Variants in PLS1 observed in about 807,000 individuals in gnomAD.
The protein encoded by PLS1 is plastin-1.
In PLS1, 32 loss-of-function variants were observed where a neutral mutation model predicts 73.7. The observed-to-expected ratio is 0.43, with a 90% CI of 0.33 to 0.58. PLS1 has a LOEUF of 0.58. Ranked by LOEUF, PLS1 falls within the 20% of genes least tolerant of loss-of-function variation. The probability of loss-of-function intolerance (pLI) is 0.04; values close to 1 mark genes in which losing one functional copy is unlikely to be tolerated. For missense variants in PLS1, 633 were observed against 740.5 expected, an observed-to-expected ratio of 0.85 and a Z score of 1.68; for synonymous variants, 217 against 261.3, an observed-to-expected ratio of 0.83 and a Z score of 1.63.
intron 14 of PLS1, among the ~76,000 whole-genome samples, 158 bp downstream of exon 14, chr3:142,704,744 G>T (rs2038420585): frequency 7.0e-6 from 1 of 142,052 alleles, no homozygotes; most frequent in African/African-American, 2.6e-5. Flanking sequence ...TGCCTCCCAG[G>T]TTCACACCAT....
intron 12 of PLS1, chr3:142,698,455 A>G (rs2038258588): frequency 6.6e-6 from 1 of 152,624 alleles, no homozygotes; most frequent in African/African-American, 2.4e-5. Flanking sequence ...AAAAAAAAGT[A>G]TAAAGCATGG....
At chr3:142,691,678 T>A (rs1229978944) in intron 10 of PLS1, among the ~76,000 whole-genome samples, 1 of 152,208 alleles carries the variant, frequency 6.6e-6, no homozygotes, top group Non-Finnish European at 1.5e-5. Context: ...TATGTCCTCA[T>A]ACATCTGCCA....
At chr3:142,656,558 T>C (rs2037241704) in intron 1 of PLS1, 1 of 152,226 alleles carries the variant, frequency 6.6e-6, no homozygotes, top group Admixed American at 6.5e-5. Context: ...GAATACTTAC[T>C]TTTTCCAAAA....
chr3:142,683,927 T>C (rs2037907338), intron 6 of PLS1, 79 bp from the exon 7 acceptor site: 6 of 1,009,600 alleles, frequency 5.9e-6, no homozygotes, highest in Non-Finnish European at 8.6e-6. Context: ...TGGCAGTCCA[T>C]TGTTTCTTAT....
intron 10 of PLS1, among the ~76,000 whole-genome samples, chr3:142,691,432 A>C (rs1180479048): frequency 3.9e-5 from 6 of 152,138 alleles, no homozygotes; most frequent in Non-Finnish European, 1.5e-5. Flanking sequence ...CTGTCAGTAG[A>C]AGGCATTGTT....
intron 1 of PLS1, among the ~76,000 whole-genome samples, chr3:142,625,247 A>AT (rs57582969): frequency 0.25 from 38,547 of 151,850 alleles, 6,975 homozygotes; most frequent in African/African-American, 0.52. Flanking sequence ...CTGACTGCCT[A>AT]TTTTTTCTTC....
At chr3:142,702,797 G>A (rs970308079) in intron 12 of PLS1, among the ~76,000 whole-genome samples, 1 of 152,136 alleles carries the variant, frequency 6.6e-6, no homozygotes, top group Non-Finnish European at 1.5e-5. Flanking sequence ...GTTGGGGAGG[G>A]TAAACAATTT....
rs541619603 is a variant in PLS1 at position 142,678,079 on chromosome 3, T to C, written c.545T>C (p.Ile182Thr). Residue 182 changes from isoleucine to threonine, a missense_variant, in exon 6 of 16, where the codon ATC (isoleucine) becomes ACC (threonine). By Grantham distance (89) the Ile-to-Thr change is moderately conservative. Coordinates refer to ENST00000457734, the MANE Select transcript of PLS1 (RefSeq NM_001145319.2). ...SEPDTIDERA[I>T]NKKKLTPFTI... ...CCAGATACAATTGATGAAAGAGCCA[T>C]CAATAAGAAAAAGCTCACGCCATTC... is the stretch of plus-strand genomic sequence containing the variant. 1.3e-6 allele frequency: 2 copies of C among 1,558,274 alleles called. No individual in the cohort carries two copies. Among genetic ancestry groups the C allele is most frequent in the South Asian group, 1.2e-5 (1 of 83,782 alleles).
At chr3:142,601,207 G>A (rs1319689246) in intron 1 of PLS1, among the ~76,000 whole-genome samples, 2 of 151,138 alleles carry the variant, frequency 1.3e-5, no homozygotes, top group African/African-American at 4.9e-5. Flanking sequence ...TTACAAGCAT[G>A]AGCCACCGCG....
intron 6 of PLS1, among the ~76,000 whole-genome samples, chr3:142,680,875 C>T (rs2037838200): frequency 6.6e-6 from 1 of 152,192 alleles, no homozygotes; most frequent in Admixed American, 6.5e-5. Context: ...TCGTCTAGCG[C>T]CAGAGCTCAT....
At chr3:142,649,268 C>G (rs2037026532) in intron 1 of PLS1, among the ~76,000 whole-genome samples, 1 of 146,008 alleles carries the variant, frequency 6.8e-6, no homozygotes, top group Non-Finnish European at 1.5e-5. Flanking sequence ...CCCTGGAGTT[C>G]CAGGCTGCAG....
chr3:142,684,243 T>C lies in PLS1; in HGVS notation c.746-10T>C. Reference sequence around the variant, plus strand: ...TGGGAAGAATTTACATTTCGCTGTTTTGCCCTCAGCTCTGATTGCATTGTT... The same window carrying C: ...TGGGAAGAATTTACATTTCGCTGTTCTGCCCTCAGCTCTGATTGCATTGTT... On this transcript the variant is annotated splice_polypyrimidine_tract_variant and intron_variant, in intron 7 of 15. Transcript: ENST00000457734. 6.2e-7 allele frequency: 1 copy of C among 1,614,138 alleles called. No homozygotes were observed. The highest frequency in any genetic ancestry group is 8.5e-7 in the Non-Finnish European group (1 of 1,179,980).
At chr3:142,685,034 C>G (rs1425263227) in intron 8 of PLS1, among the ~76,000 whole-genome samples, 2 of 151,956 alleles carry the variant, frequency 1.3e-5, no homozygotes, top group African/African-American at 4.8e-5. Context: ...TCCTGCCCCC[C>G]AAGAGTAATC....
chr3:142,670,964 T>C, intron 3 of PLS1, 29 bp from the exon 4 acceptor site: 2 of 1,496,072 alleles, frequency 1.3e-6, no homozygotes, highest in Non-Finnish European at 1.8e-6. Flanking sequence ...GATTATCTGA[T>C]TCTCAATTTT....
intron 6 of PLS1, 122 bp downstream of exon 6, chr3:142,678,235 A>C (rs2037764695): frequency 2.5e-6 from 1 of 395,826 alleles, no homozygotes; most frequent in Non-Finnish European, 4.5e-6. Context: ...CTCCTATAAA[A>C]ACTTTTTTTT....
intron 2 of PLS1, among the ~76,000 whole-genome samples, chr3:142,667,613 C>A (rs954510788): frequency 2.6e-5 from 4 of 152,136 alleles, no homozygotes; most frequent in African/African-American, 9.7e-5. Context: ...ACACCAAAAC[C>A]ACAGAGGGCC....
At chr3:142,678,776 G>C (rs1185518157) in intron 6 of PLS1, among the ~76,000 whole-genome samples, 1 of 151,312 alleles carries the variant, frequency 6.6e-6, no homozygotes, top group East Asian at 1.9e-4. Flanking sequence ...ATAGTCCTTT[G>C]GATATATACC....
At chr3:142,612,397 A>T (rs556533910) in intron 1 of PLS1, among the ~76,000 whole-genome samples, 18 of 152,358 alleles carry the variant, frequency 1.2e-4, no homozygotes, top group African/African-American at 4.3e-4. Flanking sequence ...ATGCTCTGTT[A>T]TATGTGATAA....
intron 1 of PLS1, among the ~76,000 whole-genome samples, chr3:142,642,773 C>G (rs2036868761): frequency 3.3e-5 from 5 of 152,194 alleles, no homozygotes; most frequent in Admixed American, 3.3e-4. Flanking sequence ...TTTGCAGCCT[C>G]GACCTCCTGG....
Sources: allele counts gnomAD v4.1 joint callset (sites outside exome capture counted in the v4.1 genomes callset), GRCh38; gene constraint gnomAD v4.1.1; transcripts MANE v1.5; gene names NCBI Gene and HGNC (gene_info 2026-07-23, HGNC 2026-07-21).